ACP3: variants seen among roughly 807,000 people sequenced by gnomAD.
ACP3 encodes the protein acid phosphatase 3, also known as prostatic acid phosphatase.
A neutral mutation model predicts 45.6 loss-of-function variants in ACP3; 38 were observed. The observed-to-expected ratio is 0.83, with a 90% CI of 0.64 to 1.09. ACP3 has a LOEUF of 1.09. Among genes scored for constraint, ACP3 ranks in the 50% least tolerant of loss-of-function variants. The pLI, the probability that ACP3 is intolerant of heterozygous loss-of-function variation, is 0.00. For synonymous variants in ACP3, 162 were observed against 164.7 expected, an observed-to-expected ratio of 0.98 and a Z score of 0.13; for missense variants, 466 against 463.2, an observed-to-expected ratio of 1.01 and a Z score of -0.05.
intron 8 of ACP3, among the ~76,000 whole-genome samples, 200 bp downstream of exon 8, chr3:132,350,202 C>G (rs1201820278): frequency 6.6e-6 from 1 of 152,050 alleles, no homozygotes; most frequent in Admixed American, 6.6e-5. Context: ...CAAACATAAA[C>G]ACTATACAAA....
downstream of ACP3, among the ~76,000 whole-genome samples, chr3:132,361,793 C>T (rs1175267909): frequency 6.6e-6 from 1 of 152,172 alleles, no homozygotes; most frequent in African/African-American, 2.4e-5. Flanking sequence ...TAGCTTTAAC[C>T]TTCCTTTGCT....
chr3:132,328,360 C>G lies in ACP3; in HGVS notation c.214C>G (p.Gln72Glu), dbSNP rs981688826. Residue 72 changes from glutamine to glutamate, a missense_variant and splice_region_variant, in exon 2 of 10, where the codon CAG (glutamine) becomes GAG (glutamate). Transcript: ENST00000336375. The part of the protein sequence containing the change: ...SWPQGFGQLT[Q>E]LGMEQHYELG... ...GCCACAAGGATTTGGCCAACTCACC[C>G]AGGTTGGTTGGACTTTTAGCTAAAG... 1.1e-5 allele frequency: 17 copies of G among 1,612,772 alleles called. No homozygotes were observed. The highest frequency in any genetic ancestry group is 3.3e-5 in the Admixed American group (2 of 59,964).
At chr3:132,343,904 T>C (rs1197246990) in intron 6 of ACP3, among the ~76,000 whole-genome samples, 4 of 151,882 alleles carry the variant, frequency 2.6e-5, no homozygotes, top group Non-Finnish European at 5.9e-5. Flanking sequence ...GAGGCTGAGA[T>C]GGGAGGATCA....
chr3:132,321,361 A>G (rs937020837), intron 1 of ACP3, among the ~76,000 whole-genome samples: 1 of 152,182 alleles, frequency 6.6e-6, no homozygotes, highest in South Asian at 2.1e-4. Flanking sequence ...TTCCACTGAA[A>G]AGCAAAAATC....
Position 132,357,757 on chromosome 3 carries a change from G to A in ACP3, c.*879G>A. On this transcript the variant is annotated 3_prime_UTR_variant, in exon 10 of 10. Transcript: ENST00000336375. ...TGACTCTAAAGTTGATTTAAGGCCA[G>A]GCATGGTGGTTTACGCCTATAATCC... The A allele has an allele frequency of 1.0e-6, 1 of 985,300 alleles. No homozygotes were observed. The highest frequency in any genetic ancestry group is 1.2e-6 in the Non-Finnish European group (1 of 829,838). 61.0% of individuals were successfully genotyped at this position (985,300 alleles called of 1,614,324 possible).
At chr3:132,329,697 A>G (rs1222852185) in intron 2 of ACP3, among the ~76,000 whole-genome samples, 1 of 152,138 alleles carries the variant, frequency 6.6e-6, no homozygotes, top group African/African-American at 2.4e-5. Flanking sequence ...TTGATTACCC[A>G]TCAGATTCTA....
intron 10 of ACP3, among the ~76,000 whole-genome samples, chr3:132,364,123 C>T (rs1211842727): frequency 1.3e-5 from 2 of 152,066 alleles, no homozygotes; most frequent in Admixed American, 6.6e-5. Flanking sequence ...GTGGGATAAT[C>T]GCTTGAGCCC....
At position 132,352,714 on chromosome 3, in the gene ACP3, CTG is replaced by C. The variant is rs1559841738; in HGVS notation, c.865-4_865-3del. On this transcript the variant is annotated splice_polypyrimidine_tract_variant and splice_region_variant and intron_variant, in intron 8 of 9. Coordinates refer to ENST00000336375, the MANE Select transcript of ACP3 (RefSeq NM_001099.5). ...CAGGCGATAAAATTGATTTCAATCTCTGTAGCATGACACTACTGTGAGTGGCC... is the reference window on the plus strand; with the variant it reads ...CAGGCGATAAAATTGATTTCAATCTCTAGCATGACACTACTGTGAGTGGCC... The C allele has an allele frequency of 1.9e-6, 3 of 1,602,312 alleles. No individual in the cohort carries two copies. Among genetic ancestry groups the C allele is most frequent in the Non-Finnish European group, 2.6e-6 (3 of 1,169,400 alleles).
chr3:132,317,705 A>T, intron 1 of ACP3, 129 bp downstream of exon 1: 1 of 1,079,226 alleles, frequency 9.3e-7, no homozygotes, highest in South Asian at 2.6e-5. Context: ...AAACTCAGAA[A>T]GTGAATAATC....
chr3:132,367,533 C>T (rs1437370821), intron 10 of ACP3, among the ~76,000 whole-genome samples: 1 of 152,190 alleles, frequency 6.6e-6, no homozygotes, highest in Non-Finnish European at 1.5e-5. Context: ...TAGGTCATCT[C>T]CTGACTCCTA....
Position 132,357,560 on chromosome 3 carries a change from A to C in ACP3, c.*682A>C. On this transcript the variant is annotated 3_prime_UTR_variant, in exon 10 of 10. Transcript: ENST00000336375. ...TTTATGTTCCTTTTAAAGAAACAAA[A>C]ATCAAACTTTACAGAAAGATTTGAT... The C allele has an allele frequency of 2.0e-6, 2 of 984,844 alleles. No homozygotes were observed. The highest frequency in any genetic ancestry group is 1.2e-6 in the Non-Finnish European group (1 of 829,378). The allele number at this position is 984,844 out of a possible 1,614,324, so 61.0% of individuals were successfully genotyped here. A position where few individuals can be genotyped will look rare whatever the true frequency, so the allele number is the denominator to read the frequency against.
chr3:132,319,898 C>T (rs1001601986), intron 1 of ACP3, among the ~76,000 whole-genome samples: 5 of 152,102 alleles, frequency 3.3e-5, no homozygotes, highest in Admixed American at 6.5e-5. Flanking sequence ...CTCTGTGATC[C>T]GAGAAAAATA....
At chr3:132,319,963 T>G (rs765286271) in intron 1 of ACP3, among the ~76,000 whole-genome samples, 2 of 152,218 alleles carry the variant, frequency 1.3e-5, no homozygotes, top group Non-Finnish European at 1.5e-5. Flanking sequence ...GAAACTGTCC[T>G]TGGTTCTTGT....
rs1447574890 is a variant in ACP3, at chr3:132,354,276, G to A, written c.968+1453G>A. ...CTACTGACTCTACTCGTACCTCCCTGTTCTCTGGTTTCTGGACCCCAGTGG... is the reference window on the plus strand; with the variant it reads ...CTACTGACTCTACTCGTACCTCCCTATTCTCTGGTTTCTGGACCCCAGTGG... On this transcript the variant is annotated intron_variant, in intron 9 of 9. Transcript: ENST00000336375. 2.0e-5 allele frequency among the ~76,000 whole-genome samples: 3 copies of A among 151,936 alleles called. No individual in the cohort carries two copies. In the East Asian group the frequency reaches 5.8e-4, roughly 29 times the overall value.
intron 1 of ACP3, among the ~76,000 whole-genome samples, 158 bp downstream of exon 1, chr3:132,317,734 T>G (rs1180833512): frequency 2.0e-5 from 3 of 152,234 alleles, no homozygotes; most frequent in Non-Finnish European, 4.4e-5. Flanking sequence ...CAAGTTCCTC[T>G]TAATGAAGAC....
chr3:132,320,648 T>C (rs1429008718), intron 1 of ACP3, among the ~76,000 whole-genome samples: 2 of 107,334 alleles, frequency 1.9e-5, no homozygotes, highest in Non-Finnish European at 3.7e-5. Context: ...TATAATATTC[T>C]TGGGTTTTTT....
intron 9 of ACP3, among the ~76,000 whole-genome samples, chr3:132,353,186 T>C (rs1399378964): frequency 6.6e-6 from 1 of 152,228 alleles, no homozygotes; most frequent in East Asian, 1.9e-4. Flanking sequence ...TTCAAACATA[T>C]TCATTCAGCT....
intron 1 of ACP3, among the ~76,000 whole-genome samples, chr3:132,318,986 G>T (rs1286030966): frequency 6.6e-6 from 1 of 152,180 alleles, no homozygotes; most frequent in African/African-American, 2.4e-5. Context: ...CTACCAAATT[G>T]TTGTGGGTTT....
chr3:132,344,799 T>C (rs972775), intron 6 of ACP3, 128 bp from the exon 7 acceptor site: 588,104 of 1,090,500 alleles, frequency 0.54, 164,222 homozygotes, highest in Middle Eastern at 0.59. Flanking sequence ...ATGAAGTTCT[T>C]TTAGAAAGAA....
Sources: gnomAD v4.1 joint callset for allele counts (sites outside exome capture counted in the v4.1 genomes callset) on GRCh38, gnomAD v4.1.1 for gene constraint, MANE v1.5 for transcripts, NCBI Gene and HGNC (gene_info 2026-07-23, HGNC 2026-07-21) for gene names.